The following WDPCP variants were observed in gnomAD, a reference collection of about 807,000 sequenced individuals.
WDPCP encodes WD repeat containing planar cell polarity effector.
A neutral mutation model predicts 93.1 loss-of-function variants in WDPCP; 71 were observed. The ratio of observed to expected loss-of-function variants is 0.76; its 90% CI spans 0.63 to 0.93. The LOEUF (loss-of-function observed/expected upper bound fraction) is 0.93, where lower values mean the gene tolerates loss of function less well. Among genes scored for constraint, WDPCP ranks in the 40% least tolerant of loss-of-function variants. The pLI is 0.00. For synonymous variants in WDPCP, 315 were observed against 315.0 expected, an observed-to-expected ratio of 1.00 and a Z score of 0.00; for missense variants, 844 against 887.4, an observed-to-expected ratio of 0.95 and a Z score of 0.62.
chr2:63,189,101 T>C (rs1674853513), intron 14 of WDPCP, among the ~76,000 whole-genome samples: 1 of 152,146 alleles, frequency 6.6e-6, no homozygotes, highest in African/African-American at 2.4e-5. Flanking sequence ...TCTGTTGTAG[T>C]CCTCTGCCCT....
chr2:63,792,796 G>A (rs1487903333), intron 2 of WDPCP, among the ~76,000 whole-genome samples: 2 of 152,042 alleles, frequency 1.3e-5, no homozygotes, highest in African/African-American at 4.8e-5. Context: ...GATCAGACCT[G>A]AGGGCTATGA....
rs1558833342 is a variant in WDPCP at position 63,575,501 on chromosome 2, A to ATATACAGTG, written c.75+12695_75+12696insCACTGTATA. ...ACAGTGTATATATAGTATATACAGT[A>ATATACAGTG]TATACACTGTATATATAGTATATAC... On this transcript the variant is annotated intron_variant, in intron 1 of 17. Coordinates refer to ENST00000272321, the MANE Select transcript of WDPCP (RefSeq NM_015910.7). 3.3e-3 allele frequency among the ~76,000 whole-genome samples: 23 copies of ATATACAGTG among 7,036 alleles called. 1 individual carries two copies. The highest frequency in any genetic ancestry group is 0.016 in the South Asian group (2 of 128). 4.6% of individuals were successfully genotyped at this position (7,036 alleles called of 152,430 possible).
intron 3 of WDPCP, among the ~76,000 whole-genome samples, chr2:63,626,001 T>C (rs939741661): frequency 2.0e-5 from 3 of 152,104 alleles, no homozygotes; most frequent in Non-Finnish European, 4.4e-5. Flanking sequence ...TATAGACCTA[T>C]GGAACAGAAC....
At chr2:63,426,735 G>A (rs1266951094) in intron 9 of WDPCP, among the ~76,000 whole-genome samples, 3 of 152,130 alleles carry the variant, frequency 2.0e-5, no homozygotes, top group Non-Finnish European at 4.4e-5. Flanking sequence ...AATGTAAATG[G>A]TCCTGACATC....
chr2:63,775,660 C>T (rs1051539519), intron 2 of WDPCP, among the ~76,000 whole-genome samples: 1 of 152,138 alleles, frequency 6.6e-6, no homozygotes, highest in Admixed American at 6.6e-5. Flanking sequence ...ATCCTGGATC[C>T]TTATAAACTA....
intron 1 of WDPCP, chr2:63,571,632 A>G (rs1233715180): frequency 2.1e-6 from 1 of 471,122 alleles, no homozygotes; most frequent in East Asian, 6.9e-5. Context: ...GTTTTCTGTA[A>G]AAGGATTAGT....
intron 1 of WDPCP, among the ~76,000 whole-genome samples, chr2:63,494,287 T>TGACGACGACGACGACGACGACGAC (rs11281691): frequency 6.7e-6 from 1 of 150,334 alleles, no homozygotes; most frequent in African/African-American, 2.5e-5. Context: ...ATGATGATGA[T>TGACGACGACGACGACGACGACGAC]GACGACGACG....
chr2:63,275,564 A>G (rs1266329038), intron 13 of WDPCP, among the ~76,000 whole-genome samples: 1 of 152,250 alleles, frequency 6.6e-6, no homozygotes, highest in African/African-American at 2.4e-5. Flanking sequence ...TACAAAATCA[A>G]CATATAAATA....
chr2:63,530,317 T>C (rs1703728231), intron 1 of WDPCP, among the ~76,000 whole-genome samples: 1 of 152,254 alleles, frequency 6.6e-6, no homozygotes, highest in South Asian at 2.1e-4. Context: ...AGATCTTTCC[T>C]GCTTTCTCTT....
chr2:63,403,554 A>T (rs1409177345), intron 10 of WDPCP, among the ~76,000 whole-genome samples: 1 of 152,216 alleles, frequency 6.6e-6, no homozygotes, highest in Non-Finnish European at 1.5e-5. Flanking sequence ...ACTAAAAGTT[A>T]TACAGGTATC....
chr2:63,250,327 C>T (rs1680611586), intron 14 of WDPCP, among the ~76,000 whole-genome samples: 1 of 152,152 alleles, frequency 6.6e-6, no homozygotes, highest in African/African-American at 2.4e-5. Flanking sequence ...GATTTCATCA[C>T]ACTACTCAAC....
chr2:63,498,483 C>A (rs1033469368), intron 1 of WDPCP, among the ~76,000 whole-genome samples: 1 of 152,154 alleles, frequency 6.6e-6, no homozygotes, highest in African/African-American at 2.4e-5. Context: ...ATTTGGGTTA[C>A]ACTAGAGTAA....
At chr2:63,230,117 G>A (rs183589865) in intron 14 of WDPCP, among the ~76,000 whole-genome samples, 3 of 132,726 alleles carry the variant, frequency 2.3e-5, no homozygotes, top group African/African-American at 8.6e-5. Flanking sequence ...CCTGGTGTGT[G>A]ATGTTCCCCA....
chr2:63,132,684 T>C (rs2153400256), intron 17 of WDPCP, among the ~76,000 whole-genome samples: 1 of 152,106 alleles, frequency 6.6e-6, no homozygotes, highest in Non-Finnish European at 1.5e-5. Flanking sequence ...TTCCAGAATT[T>C]CTGGTTGGTT....
intron 10 of WDPCP, among the ~76,000 whole-genome samples, chr2:63,387,606 T>C (rs1006425406): frequency 1.3e-5 from 2 of 152,054 alleles, no homozygotes; most frequent in South Asian, 2.1e-4. Context: ...CTGTTCAATA[T>C]AGAACCGGAA....
intron 9 of WDPCP, among the ~76,000 whole-genome samples, chr2:63,416,195 T>C (rs1695402310): frequency 7.9e-6 from 1 of 126,578 alleles, no homozygotes; most frequent in Admixed American, 8.0e-5. Context: ...GAAATCTTTT[T>C]TTTCCTTTTT....
chr2:63,321,176 T>C (rs911312195), intron 12 of WDPCP, among the ~76,000 whole-genome samples: 2 of 152,080 alleles, frequency 1.3e-5, no homozygotes, highest in African/African-American at 4.8e-5. Flanking sequence ...GACAATTATA[T>C]TAACAGTTGC....
intron 13 of WDPCP, among the ~76,000 whole-genome samples, chr2:63,296,964 AAAG>A (rs1345456017): frequency 1.3e-5 from 2 of 152,202 alleles, no homozygotes; most frequent in Non-Finnish European, 2.9e-5. Flanking sequence ...TCGAATCAAA[AAAG>A]AGCCCAAATA....
chr2:63,250,218 G>A (rs1680604588), intron 14 of WDPCP, among the ~76,000 whole-genome samples: 1 of 152,156 alleles, frequency 6.6e-6, no homozygotes, highest in African/African-American at 2.4e-5. Context: ...TTTTAACCAA[G>A]ATGGCTGCTA....
Sources: allele counts gnomAD v4.1 joint callset (sites outside exome capture counted in the v4.1 genomes callset), GRCh38; gene constraint gnomAD v4.1.1; transcripts MANE v1.5; gene names NCBI Gene and HGNC (gene_info 2026-07-23, HGNC 2026-07-21).